The following IP6K1 variants were observed in gnomAD, a reference collection of about 807,000 sequenced individuals.
IP6K1 encodes the protein inositol hexakisphosphate kinase 1.
In IP6K1, 13 loss-of-function variants were observed where a neutral mutation model predicts 38.3. The ratio of observed to expected loss-of-function variants is 0.34; its 90% CI spans 0.22 to 0.54. The LOEUF (loss-of-function observed/expected upper bound fraction) is 0.54. IP6K1 is among the 20% of genes least tolerant of loss of function. The pLI is 0.92. For synonymous variants in IP6K1, 212 were observed against 229.9 expected (o/e 0.92, Z 0.70); for missense variants, 397 against 599.8 (o/e 0.66, Z 3.53).
chr3:49,755,620 T>A (rs559481870), intron 1 of IP6K1, among the ~76,000 whole-genome samples: 3 of 152,106 alleles, frequency 2.0e-5, no homozygotes, highest in Non-Finnish European at 2.9e-5. Flanking sequence ...AACTGATAAG[T>A]CACTCTAACA....
At chr3:49,739,982 A>G (rs1232923515) in intron 2 of IP6K1, among the ~76,000 whole-genome samples, 1 of 152,044 alleles carries the variant, frequency 6.6e-6, no homozygotes, top group Non-Finnish European at 1.5e-5. Flanking sequence ...CCTGGGCAAC[A>G]GAGCAACACT....
Position 49,746,933 on chromosome 3 carries a change from C to T in IP6K1, c.223+885G>A, listed in dbSNP as rs554706303. On this transcript the variant is annotated intron_variant, in intron 2 of 5. Coordinates refer to ENST00000321599, the MANE Select transcript of IP6K1 (RefSeq NM_153273.4). ...TGGGGAGTTATTATTTAATAGGTACCGAGTTTGTTTCAGATGATGAAAAAT... is the reference window on the plus strand; with the variant it reads ...TGGGGAGTTATTATTTAATAGGTACTGAGTTTGTTTCAGATGATGAAAAAT... Among the ~76,000 whole-genome samples, 12 of 152,036 alleles carry T rather than the reference C, an allele frequency of 7.9e-5. 1 individual carries two copies. The East Asian group carries it at 1.7e-3, about 22-fold the overall frequency.
Position 49,747,968 on chromosome 3 carries a change from G to A in IP6K1, c.73C>T (p.Leu25Phe), listed in dbSNP as rs1356505940. ...NASRAGDRGV[L>F]LEPFIHQVGG... ...ACTTGGTGGATGAAGGGCTCCAGGA[G>A]GACTCCCCGGTCTCCAGCCCGACTT... The change falls in exon 2 of 6, where the codon CTC becomes TTC. Residue 25 changes from leucine (L) to phenylalanine (F), a missense_variant. Leu to Phe is a conservative substitution (Grantham distance 22, BLOSUM62 0). Around this residue, in one of 3 missense-constraint regions of IP6K1, gnomAD observed 171 missense variants for 237.0 expected, o/e 0.72. Coordinates refer to ENST00000321599, the MANE Select transcript of IP6K1 (RefSeq NM_153273.4). The A allele has an allele frequency of 6.2e-7, 1 of 1,614,124 alleles. No homozygotes were observed. Among genetic ancestry groups the A allele is most frequent in the South Asian group, 1.1e-5 (1 of 91,076 alleles).
chr3:49,740,127 G>C (rs542240795), intron 2 of IP6K1, among the ~76,000 whole-genome samples: 34 of 151,828 alleles, frequency 2.2e-4, no homozygotes, highest in Non-Finnish European at 3.8e-4. Flanking sequence ...AGACCAGCCT[G>C]AGCAACACAG....
intron 1 of IP6K1, among the ~76,000 whole-genome samples, chr3:49,783,483 T>C (rs914442837): frequency 1.3e-5 from 2 of 151,508 alleles, no homozygotes; most frequent in Non-Finnish European, 2.9e-5. Flanking sequence ...GAGGCCGAGG[T>C]AGACGGATCA....
In IP6K1 at chr3:49,727,984, T is replaced by G. The variant is rs1266291159; in HGVS notation, c.792+119A>C. The G allele has an allele frequency of 2.0e-6, 2 of 1,013,548 alleles. No individual in the cohort carries two copies. Among genetic ancestry groups the G allele is most frequent in the East Asian group, 4.8e-5 (2 of 41,832 alleles). The allele number at this position is 1,013,548 out of a possible 1,614,324, so 62.8% of individuals were successfully genotyped here. On this transcript the variant is annotated intron_variant, in intron 5 of 5. Coordinates refer to ENST00000321599, the MANE Select transcript of IP6K1 (RefSeq NM_153273.4). The surrounding 1 kb of genome is among the most constrained non-coding windows in gnomAD (Gnocchi z 5.9). ...CCTGCACCTGAGGCCCATATCAAAG[T>G]CAACAGGTAAGGACAGAGGGGCTCA...
At chr3:49,775,622 G>C in intron 1 of IP6K1, 2 of 906,034 alleles carry the variant, frequency 2.2e-6, no homozygotes, top group Non-Finnish European at 3.2e-6. Flanking sequence ...TGATTGGTGG[G>C]TGGCCCCTTC....
At chr3:49,769,298 T>G (rs1287300869) in intron 1 of IP6K1, among the ~76,000 whole-genome samples, 1 of 152,180 alleles carries the variant, frequency 6.6e-6, no homozygotes, top group Non-Finnish European at 1.5e-5. Flanking sequence ...AAAAAGAAAC[T>G]GTAATATTCA....
chr3:49,759,912 CTT>C (rs968134518), intron 1 of IP6K1, among the ~76,000 whole-genome samples: 1 of 152,050 alleles, frequency 6.6e-6, no homozygotes, highest in Non-Finnish European at 1.5e-5. Context: ...ATTGTTTTTT[CTT>C]TCTTTCGAGA....
At chr3:49,747,068 T>A (rs1241951618) in intron 2 of IP6K1, among the ~76,000 whole-genome samples, 2 of 152,194 alleles carry the variant, frequency 1.3e-5, no homozygotes, top group South Asian at 2.1e-4. Context: ...AAATTTTTTT[T>A]AAAAAGTTAA....
chr3:49,753,667 T>C (rs922252928), intron 1 of IP6K1, among the ~76,000 whole-genome samples: 1 of 152,136 alleles, frequency 6.6e-6, no homozygotes, highest in Non-Finnish European at 1.5e-5. Context: ...ATATAACATA[T>C]GAAAAAGTGT....
In IP6K1 at chr3:49,752,525, A is replaced by ATG. The variant is rs372243529; in HGVS notation, c.-128-4359_-128-4358dup. Among the ~76,000 whole-genome samples, 844 of 146,182 alleles carry ATG rather than the reference A, an allele frequency of 5.8e-3. 8 individuals are homozygous for ATG. Among genetic ancestry groups the ATG allele is most frequent in the East Asian group, 0.046 (222 of 4,854 alleles). On this transcript the variant is annotated intron_variant, in intron 1 of 5. Coordinates refer to ENST00000321599, the MANE Select transcript of IP6K1 (RefSeq NM_153273.4). The stretch of plus-strand genomic sequence containing the variant: ...ACCCAAGGAACCATTTCACTTTTGC[A>ATG]TGTGTGTGTGTGTGTGTGTGAGTTT...
chr3:49,767,288 A>T (rs1239261287), intron 1 of IP6K1, among the ~76,000 whole-genome samples: 11 of 151,928 alleles, frequency 7.2e-5, no homozygotes, highest in Admixed American at 7.2e-4. Flanking sequence ...TTAAAAAATA[A>T]TAATAATTGG....
chr3:49,732,657 G>A (rs2080573224), intron 4 of IP6K1, 134 bp downstream of exon 4: 3 of 633,602 alleles, frequency 4.7e-6, no homozygotes, highest in African/African-American at 3.7e-5. Context: ...AACGAAGGAA[G>A]AGGAGTCCAT....
chr3:49,728,364 G>GCCCC, intron 4 of IP6K1, 86 bp from the exon 5 acceptor site: 1 of 1,313,226 alleles, frequency 7.6e-7, no homozygotes, highest in Non-Finnish European at 1.1e-6. Context: ...ATAAAAGGGG[G>GCCCC]CTTTTACCTA....
At chr3:49,761,613 C>CAA (rs71080551) in intron 1 of IP6K1, among the ~76,000 whole-genome samples, 45 of 91,718 alleles carry the variant, frequency 4.9e-4, no homozygotes, top group Admixed American at 1.9e-3. Context: ...GACTCCGTCT[C>CAA]AAAAAAAAAA....
chr3:49,781,729 A>T (rs527529603), intron 1 of IP6K1, among the ~76,000 whole-genome samples: 3 of 152,266 alleles, frequency 2.0e-5, no homozygotes, highest in African/African-American at 7.2e-5. Context: ...ATCTCATCCC[A>T]TAAGCCTGTA....
Position 49,766,012 on chromosome 3 carries a change from T to TA in IP6K1, c.-128-17845dup, listed in dbSNP as rs539977515. 6.6e-3 allele frequency among the ~76,000 whole-genome samples: 1,007 copies of TA among 151,836 alleles called. 17 individuals carry two copies. The highest frequency in any genetic ancestry group is 0.023 in the African/African-American group (957 of 41,438). On this transcript the variant is annotated intron_variant, in intron 1 of 5. Coordinates refer to ENST00000321599, the MANE Select transcript of IP6K1 (RefSeq NM_153273.4). ...TAACATGGTGAAAGCCCGTCTCTAC[T>TA]AAAAATACAAAAAATTAGCCAGGTG... is the stretch of plus-strand genomic sequence containing the variant.
chr3:49,769,787 G>T (rs2080942638), intron 1 of IP6K1, among the ~76,000 whole-genome samples: 1 of 152,170 alleles, frequency 6.6e-6, no homozygotes, highest in Non-Finnish European at 1.5e-5. Flanking sequence ...GAAACTCAAA[G>T]AGCCCTGTGT....
Sources: allele counts gnomAD v4.1 joint callset (sites outside exome capture counted in the v4.1 genomes callset), GRCh38; gene constraint gnomAD v4.1.1; regional missense constraint gnomAD v4.1.1; non-coding constraint Gnocchi (gnomAD v3.1); transcripts MANE v1.5; gene names NCBI Gene and HGNC (gene_info 2026-07-23, HGNC 2026-07-21).